The following ADAM12 variants were observed in gnomAD, a reference collection of about 807,000 sequenced individuals.
ADAM12 encodes ADAM metallopeptidase domain 12.
In ADAM12, 70 loss-of-function variants were observed where a neutral mutation model predicts 106.4. The ratio of observed to expected loss-of-function variants is 0.66; its 90% CI spans 0.54 to 0.80. ADAM12 has a LOEUF of 0.80. ADAM12 is among the 30% of genes least tolerant of loss of function. The pLI, the probability that ADAM12 is intolerant of heterozygous loss-of-function variation, is 0.00. For missense variants in ADAM12, 1,010 were observed against 1,171.9 expected (o/e 0.86, Z 2.02); for synonymous variants, 420 against 433.5 (o/e 0.97, Z 0.39).
In ADAM12 at chr10:126,109,808, A is replaced by G. The variant is rs1458778906; in HGVS notation, c.636T>C (p.Tyr212=). The G allele has an allele frequency of 6.2e-7, 1 of 1,613,212 alleles. No individual in the cohort carries two copies. The highest frequency in any genetic ancestry group is 2.2e-5 in the East Asian group (1 of 44,874). ...HKRETLKATK[Y]VELVIVADNR... ...TGTCTGCCACGATCACCAGCTCCAC[A>G]TACTTAGTTGCCTTGAGGGTCTCTC... Residue 212 remains tyrosine, a synonymous_variant, in exon 7 of 23, where the codon TAT becomes TAC. Transcript: ENST00000448723.
At chr10:126,196,320 G>A (rs1957596347) in intron 3 of ADAM12, among the ~76,000 whole-genome samples, 1 of 152,206 alleles carries the variant, frequency 6.6e-6, no homozygotes, top group Admixed American at 6.5e-5. Flanking sequence ...TTGCCTGGAA[G>A]AACATGAGCC....
chr10:126,035,052 A>C (rs1954034327), intron 21 of ADAM12, among the ~76,000 whole-genome samples: 1 of 152,166 alleles, frequency 6.6e-6, no homozygotes, highest in East Asian at 1.9e-4. Flanking sequence ...GAAAAGTCCA[A>C]CATCTCCTCT....
chr10:126,270,146 T>C (rs2133733278), intron 3 of ADAM12, among the ~76,000 whole-genome samples: 1 of 152,334 alleles, frequency 6.6e-6, no homozygotes, highest in East Asian at 1.9e-4. Flanking sequence ...CTTGAGTTAA[T>C]TCCCTGAGTC....
chr10:126,109,975 C>T (rs2133600426), intron 6 of ADAM12, 135 bp from the exon 7 acceptor site: 1 of 676,410 alleles, frequency 1.5e-6, no homozygotes, highest in East Asian at 2.8e-5. Flanking sequence ...ACCTCCATTC[C>T]ATCTAGAAGT....
At chr10:126,368,553 T>G (rs995731143) in intron 1 of ADAM12, among the ~76,000 whole-genome samples, 1 of 152,082 alleles carries the variant, frequency 6.6e-6, no homozygotes, top group African/African-American at 2.4e-5. Flanking sequence ...AAACTATCCA[T>G]TGTGGATGTA....
chr10:126,297,032 C>T (rs116311981), intron 2 of ADAM12, among the ~76,000 whole-genome samples: 2,090 of 152,302 alleles, frequency 0.014, 47 homozygotes, highest in African/African-American at 0.047. Flanking sequence ...CACTTCCACA[C>T]ACAGCTGGTA....
intron 14 of ADAM12, among the ~76,000 whole-genome samples, chr10:126,052,595 A>G (rs1429697066): frequency 6.6e-6 from 1 of 152,210 alleles, no homozygotes; most frequent in African/African-American, 2.4e-5. Context: ...AAACAGCTCA[A>G]CAGCAGCCTG....
At chr10:126,346,955 A>G (rs1304957454) in intron 1 of ADAM12, among the ~76,000 whole-genome samples, 2 of 152,148 alleles carry the variant, frequency 1.3e-5, no homozygotes, top group African/African-American at 4.8e-5. Flanking sequence ...CAACACACTG[A>G]TGGGTCTTGA....
intron 11 of ADAM12, among the ~76,000 whole-genome samples, chr10:126,087,488 C>G (rs1178044739): frequency 6.6e-6 from 1 of 151,916 alleles, no homozygotes; most frequent in African/African-American, 2.4e-5. Flanking sequence ...CTCCTTTTTT[C>G]TCTCTCTCTG....
chr10:126,297,140 A>T (rs1960418362), intron 2 of ADAM12, among the ~76,000 whole-genome samples: 1 of 152,248 alleles, frequency 6.6e-6, no homozygotes, highest in Non-Finnish European at 1.5e-5. Flanking sequence ...TTCCACTTCT[A>T]AGAAGTCATC....
chr10:126,248,001 G>A (rs533278396), intron 3 of ADAM12, among the ~76,000 whole-genome samples: 2 of 152,314 alleles, frequency 1.3e-5, no homozygotes, highest in Non-Finnish European at 2.9e-5. Flanking sequence ...AGGCAGTAGT[G>A]CTGTTGGAAG....
At chr10:126,301,208 C>T (rs1960608846) in intron 2 of ADAM12, among the ~76,000 whole-genome samples, 1 of 152,156 alleles carries the variant, frequency 6.6e-6, no homozygotes, top group African/African-American at 2.4e-5. Context: ...GCTAAGAAAC[C>T]CTGGTTTAAA....
At chr10:126,044,084 A>T (rs1954251071) in intron 17 of ADAM12, among the ~76,000 whole-genome samples, 1 of 152,150 alleles carries the variant, frequency 6.6e-6, no homozygotes, top group South Asian at 2.1e-4. Context: ...AAAGTACATG[A>T]TCCAATGGAA....
At chr10:126,348,681 C>A (rs981804124) in intron 1 of ADAM12, among the ~76,000 whole-genome samples, 4 of 152,172 alleles carry the variant, frequency 2.6e-5, no homozygotes, top group African/African-American at 9.7e-5. Context: ...GCCACGTGGA[C>A]TTGCAAACTC....
chr10:126,327,589 C>G (rs1854349871), intron 2 of ADAM12, among the ~76,000 whole-genome samples: 1 of 151,878 alleles, frequency 6.6e-6, no homozygotes, highest in Non-Finnish European at 1.5e-5. Flanking sequence ...GGCCTGTCTC[C>G]TACCCCCTCC....
At chr10:126,343,477 C>T (rs147803629) in intron 1 of ADAM12, among the ~76,000 whole-genome samples, 6,988 of 152,086 alleles carry the variant, frequency 0.046, 549 homozygotes, top group African/African-American at 0.16. Context: ...GGAATAGTGC[C>T]GCAATAAACA....
At chr10:126,280,398 T>C (rs1471085924) in intron 2 of ADAM12, among the ~76,000 whole-genome samples, 1 of 152,196 alleles carries the variant, frequency 6.6e-6, no homozygotes, top group African/African-American at 2.4e-5. Context: ...GCTATTTAAG[T>C]TAATTAAAAC....
At chr10:126,030,180 C>T (rs1194429699) in intron 21 of ADAM12, among the ~76,000 whole-genome samples, 1 of 152,172 alleles carries the variant, frequency 6.6e-6, no homozygotes, top group African/African-American at 2.4e-5. Flanking sequence ...GAAGAAAGTA[C>T]ATAATGTGTT....
chr10:126,123,621 G>C, intron 5 of ADAM12, among the ~76,000 whole-genome samples: 1 of 152,166 alleles, frequency 6.6e-6, no homozygotes. Flanking sequence ...TGATCACTCT[G>C]CTGACCATGG....
Sources: gnomAD v4.1 joint callset for allele counts (sites outside exome capture counted in the v4.1 genomes callset) on GRCh38, gnomAD v4.1.1 for gene constraint, MANE v1.5 for transcripts, NCBI Gene and HGNC (gene_info 2026-07-23, HGNC 2026-07-21) for gene names.